Variants in MCPH1 observed in about 807,000 individuals in gnomAD.
MCPH1 encodes the protein microcephalin.
In MCPH1, 104 loss-of-function variants were observed where a neutral mutation model predicts 84.5. The ratio of observed to expected loss-of-function variants is 1.23; its 90% CI spans 1.05 to 1.45. The LOEUF (loss-of-function observed/expected upper bound fraction) is 1.45. Ranked by LOEUF, MCPH1 falls within the 40% of genes most tolerant of loss-of-function variation. The pLI, the probability that MCPH1 is intolerant of heterozygous loss-of-function variation, is 0.00. For synonymous variants in MCPH1, 514 were observed against 366.8 expected, an observed-to-expected ratio of 1.40 and a Z score of -4.58; for missense variants, 1,498 against 1,005.7, an observed-to-expected ratio of 1.49 and a Z score of -6.62.
rs1401547357 is a variant in MCPH1, at chr8:6,505,506, T to C, written c.2214+5577T>C. Among the ~76,000 whole-genome samples the C allele has an allele frequency of 3.1e-3, 13 of 4,246 alleles. 1 individual carries two copies. The highest frequency in any genetic ancestry group is 4.3e-3 in the Admixed American group (1 of 230). 2.8% of individuals were successfully genotyped at this position (4,246 alleles called of 152,430 possible). On this transcript the variant is annotated intron_variant, in intron 12 of 13. Transcript: ENST00000344683. ...AATATATATATTCTTTATATATGTA[T>C]ATATAGAATATATATTCTTTATATA... is the stretch of plus-strand genomic sequence containing the variant.
intron 1 of MCPH1, among the ~76,000 whole-genome samples, chr8:6,408,547 C>T (rs1187361846): frequency 6.6e-6 from 1 of 150,412 alleles, no homozygotes; most frequent in East Asian, 2.0e-4. Flanking sequence ...ATTTACTTTT[C>T]TTATTTTTGA....
Position 6,646,488 on chromosome 8 carries a change from C to G in MCPH1, c.*3439C>G, listed in dbSNP as rs1256680989. 4 of 152,070 alleles carry G rather than the reference C, an allele frequency of 2.6e-5. No homozygotes were observed. The highest frequency in any genetic ancestry group is 1.3e-4 in the Admixed American group (2 of 15,274). 9.4% of individuals were successfully genotyped at this position (152,070 alleles called of 1,614,324 possible). On this transcript the variant is annotated 3_prime_UTR_variant, in exon 14 of 14. Transcript: ENST00000344683. ...GCTGATTGACTTTGAACAAAGGTGA[C>G]GAGGCAAGTCAGTATAGCAGCATAT...
intron 13 of MCPH1, chr8:6,625,619 G>A: frequency 1.0e-6 from 1 of 985,272 alleles, no homozygotes; most frequent in Non-Finnish European, 1.2e-6. Context: ...GCTTTGTAAG[G>A]TAGGGTCCCT....
intron 2 of MCPH1, among the ~76,000 whole-genome samples, chr8:6,411,633 T>C (rs963685094): frequency 1.3e-5 from 2 of 152,250 alleles, no homozygotes; most frequent in African/African-American, 4.8e-5. Flanking sequence ...CACACCAAAC[T>C]GCAACAGTTA....
At position 6,445,047 on chromosome 8, in the gene MCPH1, T is replaced by G. The variant is rs1225298687; in HGVS notation, c.1325T>G (p.Leu442Trp). ...ESQLPSSPAQLSCRSLSKKER... is the reference protein window; with the variant it reads ...ESQLPSSPAQWSCRSLSKKER... Reference sequence around the variant, plus strand: ...CAGCTGCCATCAAGCCCTGCTCAGTTGAGCTGCAGAAGTCTTTCTAAGAAG... The same window carrying G: ...CAGCTGCCATCAAGCCCTGCTCAGTGGAGCTGCAGAAGTCTTTCTAAGAAG... Residue 442 changes from leucine (L) to tryptophan (W), a missense_variant, in exon 8 of 14, where the codon TTG becomes TGG. Transcript: ENST00000344683. 3 of 1,614,234 alleles carry G rather than the reference T, an allele frequency of 1.9e-6. No homozygotes were observed. Among genetic ancestry groups the G allele is most frequent in the Non-Finnish European group, 2.5e-6 (3 of 1,180,042 alleles).
Position 6,423,959 on chromosome 8 carries a change from A to G in MCPH1, c.234-7540A>G, listed in dbSNP as rs550341944. 2.0e-3 allele frequency among the ~76,000 whole-genome samples: 297 copies of G among 152,302 alleles called. 1 individual carries two copies. The highest frequency in any genetic ancestry group is 6.8e-3 in the African/African-American group (283 of 41,556). On this transcript the variant is annotated intron_variant, in intron 3 of 13. Transcript: ENST00000344683. ...GAATTTTCTTCAGCAGAGCATAGAGATAAGAGCCAAACTGACCTGCATTTT... is the reference window on the plus strand; with the variant it reads ...GAATTTTCTTCAGCAGAGCATAGAGGTAAGAGCCAAACTGACCTGCATTTT...
intron 2 of MCPH1, among the ~76,000 whole-genome samples, chr8:6,410,064 G>C (rs1477078106): frequency 1.3e-5 from 2 of 152,232 alleles, no homozygotes; most frequent in African/African-American, 4.8e-5. Flanking sequence ...CTGCCTTCTG[G>C]GTTCAAGCGA....
At chr8:6,618,314 G>A (rs188214495) in intron 12 of MCPH1, among the ~76,000 whole-genome samples, 27 of 152,288 alleles carry the variant, frequency 1.8e-4, no homozygotes, top group Admixed American at 1.2e-3. Flanking sequence ...GTACCAGTGT[G>A]GGGGAAATGG....
At chr8:6,522,509 C>T (rs992213503) in intron 12 of MCPH1, among the ~76,000 whole-genome samples, 1 of 152,104 alleles carries the variant, frequency 6.6e-6, no homozygotes, top group Non-Finnish European at 1.5e-5. Context: ...CTCAGTGGCT[C>T]ACACCTATAA....
intron 12 of MCPH1, among the ~76,000 whole-genome samples, chr8:6,572,047 T>TC (rs1378618284): frequency 6.6e-6 from 1 of 151,968 alleles, no homozygotes; most frequent in Non-Finnish European, 1.5e-5. Flanking sequence ...AAAGCATACT[T>TC]CCCCAAAATG....
intron 13 of MCPH1, among the ~76,000 whole-genome samples, chr8:6,623,707 A>AAC (rs1289895079): frequency 1.6e-4 from 1 of 6,150 alleles, no homozygotes; most frequent in African/African-American, 6.6e-4. Context: ...AAAAAAAAAA[A>AAC]AAAAAAAAAA....
chr8:6,539,100 C>T (rs532664583), intron 12 of MCPH1, among the ~76,000 whole-genome samples: 1 of 152,270 alleles, frequency 6.6e-6, no homozygotes, highest in African/African-American at 2.4e-5. Flanking sequence ...AGCAGTACTT[C>T]ATGGCAGAGG....
rs200623812 is a variant in MCPH1, at chr8:6,491,459, AT to A, written c.2137-8384del. 2.7e-3 allele frequency among the ~76,000 whole-genome samples: 385 copies of A among 142,290 alleles called. 1 individual carries two copies. Among genetic ancestry groups the A allele is most frequent in the African/African-American group, 9.4e-3 (358 of 37,888 alleles). The allele number at this position is 142,290 out of a possible 152,430, so 93.3% of individuals were successfully genotyped here. A position where few individuals can be genotyped will look rare whatever the true frequency, so the allele number is the denominator to read the frequency against. On this transcript the variant is annotated intron_variant, in intron 11 of 13. Transcript: ENST00000344683. The stretch of plus-strand genomic sequence containing the variant: ...TTTAAAAGCATTGCTCAGAACATGT[AT>A]TTTTTTTTCTAGTATTCTTTTTTTT...
At chr8:6,607,691 T>G (rs989824892) in intron 12 of MCPH1, among the ~76,000 whole-genome samples, 1 of 152,196 alleles carries the variant, frequency 6.6e-6, no homozygotes, top group African/African-American at 2.4e-5. Flanking sequence ...TGAATAAGTC[T>G]CATGAGATCT....
rs576294851 is a variant in MCPH1 at position 6,473,912 on chromosome 8, TC to T, written c.1936-3681del. The T allele has an allele frequency of 6.3e-5, 98 of 1,548,200 alleles. 1 individual carries two copies. In the African/African-American group the frequency reaches 1.3e-3, roughly 21 times the overall value. ...CTGATCTACATTATTTTCTAGCTCT[TC>T]TGGTTTATTGCTGGGCAGCCGATGC... On this transcript the variant is annotated intron_variant, in intron 9 of 13. Coordinates refer to ENST00000344683, the MANE Select transcript of MCPH1 (RefSeq NM_024596.5).
intron 10 of MCPH1, among the ~76,000 whole-genome samples, chr8:6,478,007 T>C (rs549869230): frequency 6.6e-6 from 1 of 152,376 alleles, no homozygotes; most frequent in South Asian, 2.1e-4. Flanking sequence ...AGTTGCTATG[T>C]ATGCATTTTG....
intron 3 of MCPH1, among the ~76,000 whole-genome samples, chr8:6,421,206 G>T (rs995769579): frequency 6.6e-6 from 1 of 151,902 alleles, no homozygotes; most frequent in Non-Finnish European, 1.5e-5. Context: ...TCTCCCTGGC[G>T]TCTGCATTCA....
In MCPH1 at chr8:6,638,090, G is replaced by A. The variant is rs540406151; in HGVS notation, c.2453-4904G>A. 3.3e-5 allele frequency among the ~76,000 whole-genome samples: 5 copies of A among 152,256 alleles called. No homozygotes were observed. In the South Asian group the frequency reaches 1.0e-3, roughly 32 times the overall value. ...GCCTACAGGACTGCTGTGTGAAAGA[G>A]GACACATGTGATATGAGCAGATGAA... On this transcript the variant is annotated intron_variant, in intron 13 of 13. Transcript: ENST00000344683.
Position 6,473,540 on chromosome 8 carries a change from C to T in MCPH1, c.1936-4054C>T, listed in dbSNP as rs1743545088. The stretch of plus-strand genomic sequence containing the variant: ...TAGAGATGAGGTTTCACAGTGTTAG[C>T]CAGGATGGTCTCGATCTGCTGAACT... On this transcript the variant is annotated intron_variant, in intron 9 of 13. Coordinates refer to ENST00000344683, the MANE Select transcript of MCPH1 (RefSeq NM_024596.5). Among the ~76,000 whole-genome samples the T allele has an allele frequency of 2.0e-5, 3 of 152,000 alleles. No homozygotes were observed. The South Asian group carries it at 6.2e-4, about 32-fold the overall frequency.
Sources: gnomAD v4.1 joint callset for allele counts (sites outside exome capture counted in the v4.1 genomes callset) on GRCh38, gnomAD v4.1.1 for gene constraint, MANE v1.5 for transcripts, NCBI Gene and HGNC (gene_info 2026-07-23, HGNC 2026-07-21) for gene names.